COL5A1: variants seen among roughly 807,000 people sequenced by gnomAD.
COL5A1 encodes the protein collagen alpha-1(V) chain.
In COL5A1, 16 loss-of-function variants were observed where a neutral mutation model predicts 263.7. The observed-to-expected ratio is 0.06, with a 90% CI of 0.04 to 0.09. The LOEUF is 0.09. Among genes scored for constraint, COL5A1 ranks in the 10% least tolerant of loss-of-function variants. COL5A1 has a pLI of 1.00. For missense variants in COL5A1, 2,036 were observed against 2,540.5 expected (o/e 0.80, Z 4.27); for synonymous variants, 1,012 against 1,004.5 (o/e 1.01, Z -0.14).
At chr9:134,722,605 C>T (rs1834504699) in intron 4 of COL5A1, among the ~76,000 whole-genome samples, 1 of 152,242 alleles carries the variant, frequency 6.6e-6, no homozygotes, top group Admixed American at 6.5e-5. Context: ...TGAGGCTTCT[C>T]TTCCTTCTTT....
intron 3 of COL5A1, 55 bp from the exon 4 acceptor site, chr9:134,701,116 G>T (rs1225021490): frequency 1.9e-6 from 3 of 1,595,506 alleles, no homozygotes; most frequent in East Asian, 4.5e-5. Flanking sequence ...CAGCAAAATT[G>T]CTTGAGCTGG....
chr9:134,738,653 C>G, intron 10 of COL5A1, 93 bp from the exon 11 acceptor site: 2 of 1,481,448 alleles, frequency 1.4e-6, no homozygotes, highest in Middle Eastern at 1.7e-4. Context: ...GGCGCTATCC[C>G]ACCCCCACCT....
chr9:134,706,144 G>A (rs1350955947), intron 4 of COL5A1, among the ~76,000 whole-genome samples: 1 of 152,200 alleles, frequency 6.6e-6, no homozygotes, highest in Non-Finnish European at 1.5e-5. Flanking sequence ...TTCCCAGGGC[G>A]AGTATGCCGG....
rs559216482 is a variant in COL5A1 at position 134,765,275 on chromosome 9, G to A, written c.2035-406G>A. On this transcript the variant is annotated intron_variant, in intron 20 of 65. Coordinates refer to ENST00000371817, the MANE Select transcript of COL5A1 (RefSeq NM_000093.5). The surrounding 1 kb of genome is among the most constrained non-coding windows in gnomAD (Gnocchi z 5.1). ...AACAATCGTATGTCGCTGCGGAGGG[G>A]AATTCAGGAGCGAGCCGGTAATGAG... is the stretch of plus-strand genomic sequence containing the variant. Among the ~76,000 whole-genome samples the A allele has an allele frequency of 2.0e-5, 3 of 152,286 alleles. No individual in the cohort carries two copies. Among genetic ancestry groups the A allele is most frequent in the Admixed American group, 2.0e-4 (3 of 15,300 alleles).
intron 1 of COL5A1, among the ~76,000 whole-genome samples, chr9:134,685,137 T>TG (rs1832984984): frequency 1.0e-5 from 1 of 99,034 alleles, no homozygotes; most frequent in Non-Finnish European, 2.0e-5. Flanking sequence ...CATCCATCCA[T>TG]CATCCTCCCA....
chr9:134,758,153 G>A lies in COL5A1; in HGVS notation c.1882-90G>A. The A allele has an allele frequency of 7.4e-7, 1 of 1,355,474 alleles. No homozygotes were observed. The allele number at this position is 1,355,474 out of a possible 1,614,324, so 84.0% of individuals were successfully genotyped here. A position where few individuals can be genotyped will look rare whatever the true frequency, so the allele number is the denominator to read the frequency against. Reference sequence around the variant, plus strand: ...AGATGCTGTGTGAAACGTGGTCCAAGGCGGGGCGGCCATCACTTGGTGGAC... The same window carrying A: ...AGATGCTGTGTGAAACGTGGTCCAAAGCGGGGCGGCCATCACTTGGTGGAC... On this transcript the variant is annotated intron_variant, in intron 17 of 65. Transcript: ENST00000371817. The surrounding 1 kb of genome is among the most constrained non-coding windows in gnomAD (Gnocchi z 4.1).
At position 134,680,462 on chromosome 9, in the gene COL5A1, C is replaced by T. The variant is rs554539562; in HGVS notation, c.110-10450C>T. Among the ~76,000 whole-genome samples the T allele has an allele frequency of 1.1e-4, 16 of 152,328 alleles. No homozygotes were observed. The highest frequency in any genetic ancestry group is 3.8e-4 in the African/African-American group (16 of 41,578). ...GAGCTCCCTGCCCGGCACACCTGTA[C>T]CTGTTCCTCCATGACCCATGGCTGA... On this transcript the variant is annotated intron_variant, in intron 1 of 65. Transcript: ENST00000371817. This position sits in a 1 kb window ranked among gnomAD's most constrained non-coding sequence, Gnocchi z 5.9.
intron 1 of COL5A1, among the ~76,000 whole-genome samples, chr9:134,685,372 CA>C: frequency 6.9e-6 from 1 of 145,686 alleles, no homozygotes; most frequent in Admixed American, 6.8e-5. Context: ...ACCATCCATT[CA>C]CCCATCCATT....
chr9:134,760,986 TACAC>T (rs879608314), intron 18 of COL5A1, among the ~76,000 whole-genome samples: 19,471 of 141,624 alleles, frequency 0.14, 2,155 homozygotes, highest in African/African-American at 0.3. Flanking sequence ...ACCACCCCGA[TACAC>T]ACATACACGT....
Position 134,824,737 on chromosome 9 carries a change from C to T in COL5A1, c.4836C>T (p.Phe1612=), listed in dbSNP as rs183904215. ...VDYADGMEEI[F]GSLNSLKLEI... ...ACGCGGACGGCATGGAAGAGATCTT[C>T]GGCTCTCTCAACTCTCTGAAGCTGG... The change falls in exon 62 of 66, where the codon TTC becomes TTT. Residue 1612 remains phenylalanine, a synonymous_variant. Coordinates refer to ENST00000371817, the MANE Select transcript of COL5A1 (RefSeq NM_000093.5). The T allele has an allele frequency of 2.8e-5, 46 of 1,614,200 alleles. No individual in the cohort carries two copies. The East Asian group carries it at 6.9e-4, about 24-fold the overall frequency.
chr9:134,760,069 T>TACAC (rs1836263847), intron 18 of COL5A1, among the ~76,000 whole-genome samples: 2 of 48,132 alleles, frequency 4.2e-5, no homozygotes, highest in African/African-American at 8.5e-5. Flanking sequence ...CCCACACTCA[T>TACAC]ACATGCACAC....
chr9:134,762,915 A>T (rs1450581784), intron 19 of COL5A1, among the ~76,000 whole-genome samples: 1 of 151,884 alleles, frequency 6.6e-6, no homozygotes, highest in East Asian at 1.9e-4. Flanking sequence ...GGCTGTGTGC[A>T]TGTGTATGTG....
rs1343236010 is a variant in COL5A1 at position 134,756,817 on chromosome 9, A to C, written c.1880A>C (p.Lys627Thr). The change falls in exon 17 of 66, where the codon AAG (lysine) becomes ACG (threonine). Residue 627 changes from lysine to threonine, a missense_variant and splice_region_variant. This residue lies in a region of COL5A1 where 1,078 missense variants were observed against 1,521.4 expected (regional missense o/e 0.71). Transcript: ENST00000371817. Reference sequence around the variant, plus strand: ...GGAATGCCTGGACAAACTGGCCCCAAGGTAGGTCACCCACCACCCTCCTGG... The same window carrying C: ...GGAATGCCTGGACAAACTGGCCCCACGGTAGGTCACCCACCACCCTCCTGG... ...ARGMPGQTGP[K>T]GDRGFDGLAG... 2.5e-6 allele frequency: 4 copies of C among 1,613,998 alleles called. No individual in the cohort carries two copies. The South Asian group carries it at 4.4e-5, about 18-fold the overall frequency.
At position 134,641,931 on chromosome 9, in the gene COL5A1, G is replaced by A. The variant is rs915901182; in HGVS notation, c.-257G>A. 4 of 389,552 alleles carry A rather than the reference G, an allele frequency of 1.0e-5. No homozygotes were observed. The highest frequency in any genetic ancestry group is 1.8e-5 in the Non-Finnish European group (4 of 220,274). 24.1% of individuals were successfully genotyped at this position (389,552 alleles called of 1,614,324 possible). ...AGTTGGAGGAGGAGGAGGAGGAGGC[G>A]AGGGCGAGCTAGCCCAGCGGGGTCC... On this transcript the variant is annotated 5_prime_UTR_variant, in exon 1 of 66. Transcript: ENST00000371817.
chr9:134,797,426 G>A (rs1837952086), intron 36 of COL5A1, among the ~76,000 whole-genome samples: 1 of 152,186 alleles, frequency 6.6e-6, no homozygotes, highest in South Asian at 2.1e-4. Flanking sequence ...ACTCACCCTG[G>A]CCACTGCCCC....
chr9:134,830,544 C>T (rs1010441882), intron 64 of COL5A1, among the ~76,000 whole-genome samples: 4 of 152,180 alleles, frequency 2.6e-5, no homozygotes, highest in Non-Finnish European at 5.9e-5. Flanking sequence ...GATGGCAGGG[C>T]AGAGGACACA....
intron 4 of COL5A1, among the ~76,000 whole-genome samples, chr9:134,717,523 C>T (rs757604442): frequency 4.6e-5 from 7 of 152,322 alleles, no homozygotes; most frequent in Admixed American, 4.6e-4. Flanking sequence ...CAGACCCTAG[C>T]GCTGCCCGTG....
At chr9:134,671,377 T>C (rs1832535268) in intron 1 of COL5A1, among the ~76,000 whole-genome samples, 1 of 152,206 alleles carries the variant, frequency 6.6e-6, no homozygotes, top group African/African-American at 2.4e-5. Flanking sequence ...TACAGTTATG[T>C]GTTCATTCAG....
At chr9:134,717,936 C>A (rs923089387) in intron 4 of COL5A1, among the ~76,000 whole-genome samples, 1 of 152,000 alleles carries the variant, frequency 6.6e-6, no homozygotes, top group African/African-American at 2.4e-5. Flanking sequence ...AGGAGGAGTG[C>A]ATGATTAAAT....
Sources: gnomAD v4.1 joint callset for allele counts (sites outside exome capture counted in the v4.1 genomes callset) on GRCh38, gnomAD v4.1.1 for gene constraint, gnomAD v4.1.1 regional missense constraint, Gnocchi (gnomAD v3.1) non-coding constraint, MANE v1.5 for transcripts, NCBI Gene and HGNC (gene_info 2026-07-23, HGNC 2026-07-21) for gene names.